CHAC2: variants seen among roughly 807,000 people sequenced by gnomAD.
CHAC2 encodes ChaC glutathione specific gamma-glutamylcyclotransferase 2.
A neutral mutation model predicts 16.9 loss-of-function variants in CHAC2; 20 were observed. The observed-to-expected ratio is 1.18, with a 90% confidence interval of 0.83 to 1.72. The LOEUF is 1.72. Ranked by LOEUF, CHAC2 falls within the 40% of genes most tolerant of loss-of-function variation. The probability of loss-of-function intolerance (pLI) is 0.00; values close to 1 mark genes in which losing one functional copy is unlikely to be tolerated. For missense variants in CHAC2, 269 were observed against 222.2 expected (o/e 1.21, Z -1.34); for synonymous variants, 91 against 77.3 (o/e 1.18, Z -0.93).
chr2:53,772,959 T>A (rs1413577491), intron 2 of CHAC2, among the ~76,000 whole-genome samples: 1 of 152,178 alleles, frequency 6.6e-6, no homozygotes, highest in Non-Finnish European at 1.5e-5. Flanking sequence ...AATCCTCAGT[T>A]TCTTAAATAT....
Position 53,767,845 on chromosome 2 carries a change from A to T in CHAC2, c.-42A>T, listed in dbSNP as rs1347711428. 1 of 1,573,836 alleles carries T rather than the reference A, an allele frequency of 6.4e-7. No individual in the cohort carries two copies. Among genetic ancestry groups the T allele is most frequent in the Non-Finnish European group, 8.6e-7 (1 of 1,158,606 alleles). On this transcript the variant is annotated 5_prime_UTR_variant, in exon 1 of 3. Coordinates refer to ENST00000295304, the MANE Select transcript of CHAC2 (RefSeq NM_001008708.4). ...CTTCAGTCCCCGGCGGCGCGGCGAC[A>T]GCTAGGGTTCACGGCCACTGGGGCA...
In CHAC2 at chr2:53,774,813, T is replaced by C. The variant is rs1674220395; in HGVS notation, c.*288T>C. 4 of 245,862 alleles carry C rather than the reference T, an allele frequency of 1.6e-5. No individual in the cohort carries two copies. Among genetic ancestry groups the C allele is most frequent in the Non-Finnish European group, 7.7e-6 (1 of 129,704 alleles). 15.2% of individuals were successfully genotyped at this position (245,862 alleles called of 1,614,324 possible). A position where few individuals can be genotyped will look rare whatever the true frequency, so the allele number is the denominator to read the frequency against. On this transcript the variant is annotated 3_prime_UTR_variant, in exon 3 of 3. Coordinates refer to ENST00000295304, the MANE Select transcript of CHAC2 (RefSeq NM_001008708.4). ...CAGTTCAGTCTTGTTTTTATCAGAG[T>C]GATAATCATCCTGTTTCACATCCCA...
At chr2:53,768,053 GC>G (rs754103470) in intron 1 of CHAC2, 32 bp downstream of exon 1, 2 of 1,608,674 alleles carry the variant, frequency 1.2e-6, no homozygotes, top group Non-Finnish European at 1.7e-6. Context: ...CACACTTACT[GC>G]CCCCTGACCC....
chr2:53,771,844 A>C, intron 1 of CHAC2, 63 bp from the exon 2 acceptor site: 1 of 872,418 alleles, frequency 1.1e-6, no homozygotes, highest in Admixed American at 2.2e-5. Context: ...AATGTTGCTA[A>C]TGCTCAGCTA....
chr2:53,770,968 C>T (rs1418255231), intron 1 of CHAC2, among the ~76,000 whole-genome samples: 2 of 152,210 alleles, frequency 1.3e-5, no homozygotes, highest in African/African-American at 4.8e-5. Flanking sequence ...TTCTCTCTCA[C>T]TTAAAACCTC....
intron 1 of CHAC2, 89 bp from the exon 2 acceptor site, chr2:53,771,818 A>G (rs1033757828): frequency 1.0e-5 from 8 of 767,504 alleles, no homozygotes; most frequent in Admixed American, 4.5e-5. Flanking sequence ...ATATAATTCA[A>G]ATATTCCATG....
intron 1 of CHAC2, chr2:53,768,292 G>C (rs1268105505): frequency 4.9e-6 from 2 of 404,610 alleles, no homozygotes; most frequent in East Asian, 8.1e-5. Flanking sequence ...CTCGCACCAG[G>C]CTGAGTGCGG....
At position 53,774,216 on chromosome 2, in the gene CHAC2, A is replaced by G; in HGVS notation, c.246A>G (p.Arg82=). 6.2e-7 allele frequency: 1 copy of G among 1,614,038 alleles called. No individual in the cohort carries two copies. The highest frequency in any genetic ancestry group is 8.5e-7 in the Non-Finnish European group (1 of 1,179,994). The change falls in exon 3 of 3, where the codon AGA becomes AGG. Residue 82 remains arginine (R), a synonymous_variant. Coordinates refer to ENST00000295304, the MANE Select transcript of CHAC2 (RefSeq NM_001008708.4). ...EEEVKAYLDF[R]EKGGYRTTTV... ...AAGTAAAAGCATACCTTGACTTCAG[A>G]GAAAAAGGAGGCTACAGAACCACAA...
intron 1 of CHAC2, 53 bp from the exon 2 acceptor site, chr2:53,771,854 A>G (rs1673935307): frequency 4.1e-6 from 4 of 973,842 alleles, no homozygotes; most frequent in Non-Finnish European, 6.4e-6. Flanking sequence ...ATGCTCAGCT[A>G]CTTAATGAAC....
rs753872446 is a variant in CHAC2 at position 53,774,143 on chromosome 2, G to C, written c.173G>C (p.Gly58Ala). ...RVVTLVEDPA[G>A]CVWGVAYRLP... ...TGTATTCTTTTCATTTTTCAACAGG[G>C]ATGTGTATGGGGTGTTGCTTACAGA... Residue 58 changes from glycine (G) to alanine (A), a missense_variant and splice_region_variant, in exon 3 of 3, where the codon GGA becomes GCA. Gly to Ala is a moderately conservative substitution (Grantham distance 60). Transcript: ENST00000295304. 1 of 1,588,890 alleles carries C rather than the reference G, an allele frequency of 6.3e-7. No individual in the cohort carries two copies. Among genetic ancestry groups the C allele is most frequent in the East Asian group, 2.2e-5 (1 of 44,788 alleles).
chr2:53,774,246 C>A lies in CHAC2; in HGVS notation c.276C>A (p.Val92=), dbSNP rs1573020858. 1 of 1,614,128 alleles carries A rather than the reference C, an allele frequency of 6.2e-7. No individual in the cohort carries two copies. Among genetic ancestry groups the A allele is most frequent in the South Asian group, 1.1e-5 (1 of 91,074 alleles). ...REKGGYRTTT[V]IFYPKDPTTK... ...AAGGAGGCTACAGAACCACAACAGT[C>A]ATTTTTTATCCAAAAGATCCCACAA... Residue 92 remains valine, a synonymous_variant, in exon 3 of 3, where the codon GTC becomes GTA. Transcript: ENST00000295304.
rs569601103 is a variant in CHAC2 at position 53,767,817 on chromosome 2, A to C, written c.-70A>C. 4.9e-5 allele frequency: 75 copies of C among 1,532,818 alleles called. 1 individual carries two copies. The South Asian group carries it at 8.7e-4, about 18-fold the overall frequency. The allele number at this position is 1,532,818 out of a possible 1,614,324, so 95.0% of individuals were successfully genotyped here. On this transcript the variant is annotated 5_prime_UTR_variant, in exon 1 of 3. Transcript: ENST00000295304. ...GCGCGGCCGGTTACTCGCTTACCGG[A>C]GGCTTCAGTCCCCGGCGGCGCGGCG... is the stretch of plus-strand genomic sequence containing the variant.
chr2:53,771,170 C>T (rs2104143872), intron 1 of CHAC2, among the ~76,000 whole-genome samples: 1 of 152,298 alleles, frequency 6.6e-6, no homozygotes, highest in East Asian at 1.9e-4. Flanking sequence ...ATTTGAAAGT[C>T]ACTTCCCTAT....
chr2:53,768,190 C>G (rs1040280577), intron 1 of CHAC2, 169 bp downstream of exon 1: 1 of 765,304 alleles, frequency 1.3e-6, no homozygotes, highest in Non-Finnish European at 2.0e-6. Flanking sequence ...CCCGCCATCT[C>G]TAACCCAGCC....
Position 53,774,631 on chromosome 2 carries a change from T to C in CHAC2, c.*106T>C, listed in dbSNP as rs2104178291. The stretch of plus-strand genomic sequence containing the variant: ...TGTAGTGAGGATATTATTTAAACTT[T>C]TATTTTAACTGGAAATGTCCTGAAA... On this transcript the variant is annotated 3_prime_UTR_variant, in exon 3 of 3. Coordinates refer to ENST00000295304, the MANE Select transcript of CHAC2 (RefSeq NM_001008708.4). 2.5e-6 allele frequency: 2 copies of C among 805,352 alleles called. No individual in the cohort carries two copies. The highest frequency in any genetic ancestry group is 3.6e-6 in the Non-Finnish European group (2 of 553,268). The allele number at this position is 805,352 out of a possible 1,614,324, so 49.9% of individuals were successfully genotyped here.
chr2:53,771,986 A>C, intron 2 of CHAC2, 44 bp downstream of exon 2: 1 of 1,097,462 alleles, frequency 9.1e-7, no homozygotes, highest in South Asian at 1.6e-5. Flanking sequence ...AATTTTATAA[A>C]ATGTTGCGAT....
intron 1 of CHAC2, 175 bp downstream of exon 1, chr2:53,768,196 C>T (rs1673629066): frequency 2.8e-6 from 2 of 720,074 alleles, no homozygotes; most frequent in Non-Finnish European, 4.4e-6. Context: ...ATCTCTAACC[C>T]AGCCCGGGCA....
Position 53,774,154 on chromosome 2 carries a change from G to A in CHAC2, c.184G>A (p.Gly62Ser). The change falls in exon 3 of 3, where the codon GGT becomes AGT. Residue 62 changes from glycine (G) to serine (S), a missense_variant. Transcript: ENST00000295304. Reference protein sequence around the residue: ...LVEDPAGCVWGVAYRLPVGKE... With the variant: ...LVEDPAGCVWSVAYRLPVGKE... The stretch of plus-strand genomic sequence containing the variant: ...CATTTTTCAACAGGGATGTGTATGG[G>A]GTGTTGCTTACAGATTGCCAGTAGG... 2 of 1,607,470 alleles carry A rather than the reference G, an allele frequency of 1.2e-6. No individual in the cohort carries two copies. The highest frequency in any genetic ancestry group is 2.2e-5 in the South Asian group (2 of 89,742).
At chr2:53,769,409 G>A (rs1673731177) in intron 1 of CHAC2, among the ~76,000 whole-genome samples, 1 of 152,220 alleles carries the variant, frequency 6.6e-6, no homozygotes, top group Admixed American at 6.5e-5. Context: ...AAATATTTAT[G>A]TATGTGGCTA....
Sources: allele counts gnomAD v4.1 joint callset (sites outside exome capture counted in the v4.1 genomes callset), GRCh38; gene constraint gnomAD v4.1.1; transcripts MANE v1.5; gene names NCBI Gene and HGNC (gene_info 2026-07-23, HGNC 2026-07-21).